Variants in CPT1B observed in about 807,000 individuals in gnomAD.
CPT1B encodes the protein carnitine palmitoyltransferase 1B, also known as carnitine O-palmitoyltransferase 1, muscle isoform.
Under a neutral mutation model 92.7 loss-of-function variants are expected in CPT1B, and 57 were observed. That is an observed-to-expected ratio of 0.62 (90% CI 0.50 to 0.77). The LOEUF is 0.77. Ranked by LOEUF, CPT1B falls within the 30% of genes least tolerant of loss-of-function variation. The pLI is 0.00. For synonymous variants in CPT1B, 398 were observed against 383.5 expected, an observed-to-expected ratio of 1.04 and a Z score of -0.44; for missense variants, 983 against 1,017.4, an observed-to-expected ratio of 0.97 and a Z score of 0.46.
Position 50,571,363 on chromosome 22 carries a change from C to T in CPT1B, c.1740+12G>A, listed in dbSNP as rs758356492. ...ACCCTGCCCTCTCAGCAGCGGGAGG[C>T]GGGGCTCCTACCCGGAAGTGAGCCA... On this transcript the variant is annotated intron_variant, in intron 14 of 19. Coordinates refer to ENST00000312108, the MANE Select transcript of CPT1B (RefSeq NM_152246.3). The T allele has an allele frequency of 7.5e-5, 121 of 1,613,708 alleles. No homozygotes were observed. Among genetic ancestry groups the T allele is most frequent in the South Asian group, 5.6e-4 (51 of 91,072 alleles).
Position 50,569,180 on chromosome 22 carries a change from G to A in CPT1B, c.*3-99C>T, listed in dbSNP as rs988664733. 7.7e-5 allele frequency: 49 copies of A among 638,740 alleles called. No individual in the cohort carries two copies. In the Admixed American group the frequency reaches 9.1e-4, roughly 12 times the overall value. The allele number at this position is 638,740 out of a possible 1,614,324, so 39.6% of individuals were successfully genotyped here. Reference sequence around the variant, plus strand: ...CTCCAACCCCACCTCCACCACCTGGGCCCTCAGGGAGCAGCATCTGCCCAG... The same window carrying A: ...CTCCAACCCCACCTCCACCACCTGGACCCTCAGGGAGCAGCATCTGCCCAG... On this transcript the variant is annotated intron_variant, in intron 19 of 19. Transcript: ENST00000312108.
intron 18 of CPT1B, 36 bp downstream of exon 18, chr22:50,569,540 C>T (rs1338720427): frequency 1.9e-6 from 3 of 1,608,698 alleles, no homozygotes; most frequent in South Asian, 1.1e-5. Flanking sequence ...CAGGTGGCAC[C>T]CCTTCCTCAG....
intron 7 of CPT1B, among the ~76,000 whole-genome samples, chr22:50,575,140 A>C (rs561635224): frequency 1.3e-5 from 2 of 152,108 alleles, no homozygotes; most frequent in South Asian, 4.2e-4. Context: ...CAGCCTCCCG[A>C]GTAGCTGGGA....
chr22:50,572,036 A>C lies in CPT1B; in HGVS notation c.1545T>G (p.Pro515=). The change falls in exon 13 of 20, where the codon CCT becomes CCG. Residue 515 remains proline (P), a synonymous_variant. Transcript: ENST00000312108. ...LGKPNPALAP[P]TRLQWDIPKQ... Reference sequence around the variant, plus strand: ...TTGGAATGTCCCACTGCAGCCGTGTAGGAGGTGCGAGCGCAGGGTTCGGTT... The same window carrying C: ...TTGGAATGTCCCACTGCAGCCGTGTCGGAGGTGCGAGCGCAGGGTTCGGTT... 6.2e-7 allele frequency: 1 copy of C among 1,614,130 alleles called. No homozygotes were observed. Among genetic ancestry groups the C allele is most frequent in the Non-Finnish European group, 8.5e-7 (1 of 1,179,992 alleles).
intron 13 of CPT1B, 161 bp downstream of exon 13, chr22:50,571,845 C>T: frequency 1.3e-6 from 1 of 756,984 alleles, no homozygotes; most frequent in Admixed American, 2.2e-5. Context: ...TCCCTGAAGC[C>T]AGTTTGGACT....
chr22:50,572,829 A>T (rs1048089635), intron 11 of CPT1B, 46 bp downstream of exon 11: 4 of 1,571,706 alleles, frequency 2.5e-6, no homozygotes, highest in African/African-American at 1.4e-5. Context: ...CCATAACCCT[A>T]ACTTTTAACC....
chr22:50,576,699 A>C, intron 4 of CPT1B, 62 bp from the exon 5 acceptor site: 1 of 1,577,284 alleles, frequency 6.3e-7, no homozygotes, highest in African/African-American at 1.3e-5. Flanking sequence ...ACCAACCAGC[A>C]ACTCCCTGAG....
intron 9 of CPT1B, chr22:50,574,043 C>T (rs987749550): frequency 1.0e-5 from 7 of 682,708 alleles, no homozygotes; most frequent in Non-Finnish European, 1.9e-5. Context: ...GCGCCCCTCC[C>T]CTCCTCTGCC....
rs1234821497 is a variant in CPT1B at position 50,577,318 on chromosome 22, C to G, written c.281+6G>C. The G allele has an allele frequency of 6.2e-7, 1 of 1,613,568 alleles. No homozygotes were observed. The highest frequency in any genetic ancestry group is 1.1e-5 in the South Asian group (1 of 91,074). ...GCACCTGTGCCCTTCCAGTTTCACTCCTTACCCCTGAGGGAGGCATCTCTG... is the reference window on the plus strand; with the variant it reads ...GCACCTGTGCCCTTCCAGTTTCACTGCTTACCCCTGAGGGAGGCATCTCTG... On this transcript the variant is annotated splice_donor_region_variant and intron_variant, in intron 3 of 19. Transcript: ENST00000312108.
intron 13 of CPT1B, among the ~76,000 whole-genome samples, 184 bp from the exon 14 acceptor site, chr22:50,571,723 T>G (rs991282895): frequency 6.6e-6 from 1 of 152,142 alleles, no homozygotes; most frequent in East Asian, 1.9e-4. Context: ...GGCTCAGCTT[T>G]GTGGGTAAGA....
Position 50,573,977 on chromosome 22 carries a change from C to G in CPT1B, c.971-262G>C. Reference sequence around the variant, plus strand: ...CGCACTAGAGGGTTGTGCAAACCGCCTAAGGATACAGTGTCAGAAGCAGGG... The same window carrying G: ...CGCACTAGAGGGTTGTGCAAACCGCGTAAGGATACAGTGTCAGAAGCAGGG... On this transcript the variant is annotated intron_variant, in intron 9 of 19. Transcript: ENST00000312108. This position sits in a 1 kb window ranked among gnomAD's most constrained non-coding sequence, Gnocchi z 5.0. The G allele has an allele frequency of 1.4e-6, 1 of 702,700 alleles. No homozygotes were observed. 43.5% of individuals were successfully genotyped at this position (702,700 alleles called of 1,614,324 possible). A position where few individuals can be genotyped will look rare whatever the true frequency, so the allele number is the denominator to read the frequency against.
Position 50,577,853 on chromosome 22 carries a change from G to T in CPT1B, c.63C>A (p.Phe21Leu), listed in dbSNP as rs774249901. Residue 21 changes from phenylalanine to leucine, a missense_variant, in exon 2 of 20, where the codon TTC becomes TTA. Phe to Leu is a conservative substitution (Grantham distance 22). Transcript: ENST00000312108. The part of the protein sequence containing the change: ...QFTVTPDGVD[F>L]RLSREALKHV... Reference sequence around the variant, plus strand: ...GTTTCAGGGCCTCCCGACTGAGCCGGAAGTCGACCCCGTCTGGGGTCACCG... The same window carrying T: ...GTTTCAGGGCCTCCCGACTGAGCCGTAAGTCGACCCCGTCTGGGGTCACCG... The T allele has an allele frequency of 3.7e-6, 6 of 1,613,622 alleles. No homozygotes were observed. In the South Asian group the frequency reaches 6.6e-5, roughly 18 times the overall value.
At position 50,571,428 on chromosome 22, in the gene CPT1B, G is replaced by A. The variant is rs757232205; in HGVS notation, c.1687C>T (p.Arg563Trp). 1.1e-5 allele frequency: 17 copies of A among 1,613,756 alleles called. No individual in the cohort carries two copies. Among genetic ancestry groups the A allele is most frequent in the East Asian group, 6.7e-5 (3 of 44,894 alleles). The change falls in exon 14 of 20, where the codon CGG (arginine) becomes TGG (tryptophan). Residue 563 changes from arginine (R) to tryptophan (W), a missense_variant. Physicochemically the swap from Arg to Trp is moderately radical, Grantham distance 101. Coordinates refer to ENST00000312108, the MANE Select transcript of CPT1B (RefSeq NM_152246.3). ...PFGKGLIKKC[R>W]TSPDAFVQIA... ...TGCACAAAGGCATCAGGGCTGGTCC[G>A]GCACTTCTTGATGAGGCCTTTGCCA...
At chr22:50,572,677 G>A (rs1424529273) in intron 11 of CPT1B, among the ~76,000 whole-genome samples, 198 bp downstream of exon 11, 1 of 151,670 alleles carries the variant, frequency 6.6e-6, no homozygotes, top group East Asian at 1.9e-4. Context: ...TTATGAAGGG[G>A]TCTCGCTCCG....
rs779581825 is a variant in CPT1B, at chr22:50,572,000, A to G, written c.1575+6T>C. On this transcript the variant is annotated splice_donor_region_variant and intron_variant, in intron 13 of 19. Transcript: ENST00000312108. ...CTCACACCTGCTCTGGGAGCTTCCA[A>G]CCCACCTGTTTTGGAATGTCCCACT... is the stretch of plus-strand genomic sequence containing the variant. 2 of 1,612,992 alleles carry G rather than the reference A, an allele frequency of 1.2e-6. No homozygotes were observed. Among genetic ancestry groups the G allele is most frequent in the Non-Finnish European group, 1.7e-6 (2 of 1,179,590 alleles).
rs780850388 is a variant in CPT1B at position 50,576,221 on chromosome 22, T to G, written c.676A>C (p.Lys226Gln). The G allele has an allele frequency of 1.9e-6, 3 of 1,614,078 alleles. No homozygotes were observed. In the Admixed American group the frequency reaches 5.0e-5, roughly 27 times the overall value. ...APRLQKYLVL[K>Q]SWWASNYVSD... ...ACATAGTTACTTGCCCACCATGACT[T>G]GAGCACCAGGTATTTCTGCAGCCTG... Residue 226 changes from lysine (K) to glutamine (Q), a missense_variant, in exon 6 of 20, where the codon AAG becomes CAG. Transcript: ENST00000312108.
In CPT1B at chr22:50,573,854, G is replaced by C; in HGVS notation, c.971-139C>G. 1.3e-6 allele frequency: 1 copy of C among 776,584 alleles called. No individual in the cohort carries two copies. Among genetic ancestry groups the C allele is most frequent in the Non-Finnish European group, 2.3e-6 (1 of 440,150 alleles). The allele number at this position is 776,584 out of a possible 1,614,324, so 48.1% of individuals were successfully genotyped here. On this transcript the variant is annotated intron_variant, in intron 9 of 19. Coordinates refer to ENST00000312108, the MANE Select transcript of CPT1B (RefSeq NM_152246.3). The surrounding 1 kb of genome is among the most constrained non-coding windows in gnomAD (Gnocchi z 5.0). ...CTGGGCCTTCCTGCCCCCTGGATGG[G>C]ATCCGTGTGTCCTAAACCAGGCCCT...
At position 50,573,594 on chromosome 22, in the gene CPT1B, G is replaced by T. The variant is rs1320892467; in HGVS notation, c.1092C>A (p.Phe364Leu). 1.2e-6 allele frequency: 2 copies of T among 1,613,690 alleles called. No homozygotes were observed. Among genetic ancestry groups the T allele is most frequent in the Non-Finnish European group, 1.7e-6 (2 of 1,179,978 alleles). The stretch of plus-strand genomic sequence containing the variant: ...GGGAGGGGTCGTCCAGGATCCTCTG[G>T]AACTGCATCTCCAGATCCTGAGGCT... The part of the protein sequence containing the change: ...LLKPQDLEMQ[F>L]QRILDDPSPP... Residue 364 changes from phenylalanine (F) to leucine (L), a missense_variant, in exon 10 of 20, where the codon TTC becomes TTA. By Grantham distance (22) the Phe-to-Leu change is conservative. Coordinates refer to ENST00000312108, the MANE Select transcript of CPT1B (RefSeq NM_152246.3). The surrounding 1 kb of genome is among the most constrained non-coding windows in gnomAD (Gnocchi z 5.0).
Position 50,572,021 on chromosome 22 carries a change from C to T in CPT1B, c.1560G>A (p.Trp520Ter). ...TCCAACCCACCTGTTTTGGAATGTC[C>T]CACTGCAGCCGTGTAGGAGGTGCGA... ...PALAPPTRLQ[W>*]DIPKQCQAVI... The change falls in exon 13 of 20, where the codon TGG (tryptophan) becomes TGA (stop). Residue 520 changes from tryptophan (W) to a stop codon, truncating the protein, a stop_gained. Coordinates refer to ENST00000312108, the MANE Select transcript of CPT1B (RefSeq NM_152246.3). LOFTEE classifies it high-confidence loss of function. The T allele has an allele frequency of 1.9e-6, 3 of 1,614,000 alleles. No individual in the cohort carries two copies. The highest frequency in any genetic ancestry group is 2.5e-6 in the Non-Finnish European group (3 of 1,179,972).
Sources: allele counts gnomAD v4.1 joint callset (sites outside exome capture counted in the v4.1 genomes callset), GRCh38; gene constraint gnomAD v4.1.1; non-coding constraint Gnocchi (gnomAD v3.1); transcripts MANE v1.5; gene names NCBI Gene and HGNC (gene_info 2026-07-23, HGNC 2026-07-21).